Variants in SDK2 observed in about 807,000 individuals in gnomAD.
The protein encoded by SDK2 is protein sidekick-2.
In SDK2, 105 loss-of-function variants were observed where a neutral mutation model predicts 253.9. The ratio of observed to expected loss-of-function variants is 0.41; its 90% confidence interval spans 0.35 to 0.49. The LOEUF (loss-of-function observed/expected upper bound fraction) is 0.49, where lower values mean the gene tolerates loss of function less well. Ranked by LOEUF, SDK2 falls within the 20% of genes least tolerant of loss-of-function variation. The pLI is 0.06. For missense variants in SDK2, 2,608 were observed against 3,003.0 expected, an observed-to-expected ratio of 0.87 and a Z score of 3.07; for synonymous variants, 1,249 against 1,234.9, an observed-to-expected ratio of 1.01 and a Z score of -0.24.
In SDK2 at chr17:73,402,133, G is replaced by A; in HGVS notation, c.2493C>T (p.Ala831=). The change falls in exon 19 of 45, where the codon GCC becomes GCT. Residue 831 remains alanine, a synonymous_variant. Transcript: ENST00000392650. ...CCTCCTCTTCCTGTTCCGGCTCCCA[G>A]GCGATCAGCTGCGGAGAGGCGAGCA... ...NGINQGYKLI[A]WEPEQEEEVT... The A allele has an allele frequency of 6.2e-7, 1 of 1,613,482 alleles. No homozygotes were observed. The highest frequency in any genetic ancestry group is 8.5e-7 in the Non-Finnish European group (1 of 1,179,542).
At chr17:73,537,347 T>C (rs1265003081) in intron 1 of SDK2, among the ~76,000 whole-genome samples, 4 of 152,132 alleles carry the variant, frequency 2.6e-5, no homozygotes, top group South Asian at 2.1e-4. Flanking sequence ...CGATTTCGCT[T>C]TGGGGCCTTC....
intron 29 of SDK2, among the ~76,000 whole-genome samples, 153 bp from the exon 30 acceptor site, chr17:73,388,190 C>T (rs1189182612): frequency 6.6e-6 from 1 of 152,154 alleles, no homozygotes; most frequent in South Asian, 2.1e-4. Flanking sequence ...CTTGCAGGTT[C>T]TCACACCTGG....
intron 1 of SDK2, among the ~76,000 whole-genome samples, chr17:73,622,623 C>T (rs1411967831): frequency 2.0e-5 from 3 of 152,166 alleles, no homozygotes; most frequent in Non-Finnish European, 4.4e-5. Flanking sequence ...GCAAAGGGTA[C>T]GTAGAGACAC....
At position 73,515,204 on chromosome 17, in the gene SDK2, T is replaced by C. The variant is rs530522455; in HGVS notation, c.65-7607A>G. ...TCTGCCACATAGACATAAGCCAAGA[T>C]CTGGCAGGTTCCAGAGCTCTGGATC... On this transcript the variant is annotated intron_variant, in intron 1 of 44. Transcript: ENST00000392650. Among the ~76,000 whole-genome samples, 3 of 152,268 alleles carry C rather than the reference T, an allele frequency of 2.0e-5. No individual in the cohort carries two copies. In the South Asian group the frequency reaches 6.2e-4, roughly 32 times the overall value.
In SDK2 at chr17:73,361,139, G is replaced by A. The variant is rs543678100; in HGVS notation, c.5467+545C>T. Among the ~76,000 whole-genome samples the A allele has an allele frequency of 4.8e-4, 73 of 152,166 alleles. No individual in the cohort carries two copies. Among genetic ancestry groups the A allele is most frequent in the Non-Finnish European group, 5.7e-4 (39 of 68,000 alleles). ...GTTTCTCAAGGTGCCACTTTGTCAC[G>A]GCCTCCAGGGGCTTTTGTCTAAGTG... On this transcript the variant is annotated intron_variant, in intron 39 of 44. Coordinates refer to ENST00000392650, the MANE Select transcript of SDK2 (RefSeq NM_001144952.2). The surrounding 1 kb of genome is among the most constrained non-coding windows in gnomAD (Gnocchi z 4.1).
At chr17:73,486,993 G>A (rs1403060206) in intron 2 of SDK2, among the ~76,000 whole-genome samples, 1 of 152,146 alleles carries the variant, frequency 6.6e-6, no homozygotes, top group African/African-American at 2.4e-5. Context: ...GAGTGCAATG[G>A]CGCAATCTCG....
At chr17:73,635,510 G>A (rs2046319260) in intron 1 of SDK2, among the ~76,000 whole-genome samples, 1 of 152,178 alleles carries the variant, frequency 6.6e-6, no homozygotes, top group South Asian at 2.1e-4. Context: ...GAGGTGCCCA[G>A]GGAAGGGGGA....
intron 3 of SDK2, 91 bp from the exon 4 acceptor site, chr17:73,456,144 G>A (rs953868643): frequency 9.6e-6 from 13 of 1,355,940 alleles, no homozygotes; most frequent in Middle Eastern, 1.9e-4. Flanking sequence ...GGCTATGGAC[G>A]GAAAATTCGG....
At chr17:73,479,276 C>A (rs1480955229) in intron 2 of SDK2, among the ~76,000 whole-genome samples, 1 of 152,224 alleles carries the variant, frequency 6.6e-6, no homozygotes, top group Non-Finnish European at 1.5e-5. Flanking sequence ...GATTTCCTTC[C>A]CTCTCCCCAT....
At chr17:73,458,576 A>G (rs1266404872) in intron 3 of SDK2, among the ~76,000 whole-genome samples, 1 of 152,200 alleles carries the variant, frequency 6.6e-6, no homozygotes, top group Non-Finnish European at 1.5e-5. Context: ...TCTCCCTGCA[A>G]ATGACACTTG....
chr17:73,365,425 C>T lies in SDK2; in HGVS notation c.5168-30G>A, dbSNP rs201934471. ...GGGAGACAGCAAAGGGTTTTTGTTTCCTTCTTCTGTGGAAGTTCAAAGCCT... is the reference window on the plus strand; with the variant it reads ...GGGAGACAGCAAAGGGTTTTTGTTTTCTTCTTCTGTGGAAGTTCAAAGCCT... On this transcript the variant is annotated intron_variant, in intron 37 of 44. Transcript: ENST00000392650. 2.8e-3 allele frequency: 4,338 copies of T among 1,571,968 alleles called. 12 individuals carry two copies. The highest frequency in any genetic ancestry group is 3.3e-3 in the Non-Finnish European group (3,792 of 1,160,292).
chr17:73,638,020 C>T (rs976052433), intron 1 of SDK2, among the ~76,000 whole-genome samples: 1 of 152,212 alleles, frequency 6.6e-6, no homozygotes, highest in East Asian at 1.9e-4. Context: ...GCGGGAGCTG[C>T]TGGAGGGCGG....
chr17:73,444,776 C>T (rs1243142512), intron 5 of SDK2, among the ~76,000 whole-genome samples: 4 of 152,134 alleles, frequency 2.6e-5, no homozygotes, highest in African/African-American at 4.8e-5. Context: ...GGCCACAGGT[C>T]GGTGAGCGGT....
intron 1 of SDK2, among the ~76,000 whole-genome samples, chr17:73,619,830 C>T (rs2046106342): frequency 6.6e-6 from 1 of 152,138 alleles, no homozygotes; most frequent in South Asian, 2.1e-4. Context: ...ATACATCTGA[C>T]AAGGGTCTAG....
chr17:73,469,962 C>A (rs2063632115), intron 3 of SDK2, among the ~76,000 whole-genome samples: 1 of 147,868 alleles, frequency 6.8e-6, no homozygotes. Context: ...TAAATGGCAT[C>A]CTGAATGGCA....
At chr17:73,581,476 C>A (rs1383708122) in intron 1 of SDK2, among the ~76,000 whole-genome samples, 1 of 152,246 alleles carries the variant, frequency 6.6e-6, no homozygotes, top group Non-Finnish European at 1.5e-5. Context: ...GGTCCACATA[C>A]CAGCCCCGCC....
chr17:73,443,447 C>A lies in SDK2; in HGVS notation c.614-2524G>T, dbSNP rs1406234002. Reference sequence around the variant, plus strand: ...ATGCGGGGGCGCGCAGGTACCACGGCTCAGATTAATGGGGCACAAGTAAGA... The same window carrying A: ...ATGCGGGGGCGCGCAGGTACCACGGATCAGATTAATGGGGCACAAGTAAGA... On this transcript the variant is annotated intron_variant, in intron 5 of 44. Coordinates refer to ENST00000392650, the MANE Select transcript of SDK2 (RefSeq NM_001144952.2). The surrounding 1 kb of genome is among the most constrained non-coding windows in gnomAD (Gnocchi z 4.6). Among the ~76,000 whole-genome samples the A allele has an allele frequency of 6.6e-6, 1 of 152,224 alleles. No individual in the cohort carries two copies. Among genetic ancestry groups the A allele is most frequent in the Non-Finnish European group, 1.5e-5 (1 of 68,048 alleles).
At chr17:73,633,283 A>C (rs998453065) in intron 1 of SDK2, among the ~76,000 whole-genome samples, 1 of 152,256 alleles carries the variant, frequency 6.6e-6, no homozygotes, top group East Asian at 1.9e-4. Context: ...CGACATCTCA[A>C]AAAATATAAA....
At chr17:73,479,492 A>C (rs2063708215) in intron 2 of SDK2, among the ~76,000 whole-genome samples, 1 of 152,258 alleles carries the variant, frequency 6.6e-6, no homozygotes, top group Non-Finnish European at 1.5e-5. Flanking sequence ...TTGCTTTTGC[A>C]AAGATTCTTC....
Sources: allele counts gnomAD v4.1 joint callset (sites outside exome capture counted in the v4.1 genomes callset), GRCh38; gene constraint gnomAD v4.1.1; non-coding constraint Gnocchi (gnomAD v3.1); transcripts MANE v1.5; gene names NCBI Gene and HGNC (gene_info 2026-07-23, HGNC 2026-07-21).